The following EYS variants were observed in gnomAD, a reference collection of about 807,000 sequenced individuals.
EYS encodes the protein EGF-like photoreceptor maintenance factor.
EYS carries 250 observed loss-of-function variants against 282.1 expected under a neutral mutation model. The observed-to-expected ratio is 0.89, with a 90% confidence interval of 0.80 to 0.98. The LOEUF (loss-of-function observed/expected upper bound fraction) is 0.98. EYS is among the 50% of genes least tolerant of loss of function. The probability of loss-of-function intolerance (pLI) is 0.00; values close to 1 mark genes in which losing one functional copy is unlikely to be tolerated. For synonymous variants in EYS, 1,355 were observed against 1,282.9 expected (o/e 1.06, Z -1.20); for missense variants, 4,016 against 3,709.0 (o/e 1.08, Z -2.15).
intron 33 of EYS, among the ~76,000 whole-genome samples, chr6:64,012,494 CTT>C (rs1768684619): frequency 6.6e-6 from 1 of 152,180 alleles, no homozygotes; most frequent in South Asian, 2.1e-4. Flanking sequence ...CAAAGACTAA[CTT>C]AAGATCTAAT....
intron 12 of EYS, among the ~76,000 whole-genome samples, chr6:65,175,967 A>G (rs1278002169): frequency 6.6e-6 from 1 of 151,446 alleles, no homozygotes; most frequent in African/African-American, 2.4e-5. Context: ...AAAATTGCAT[A>G]TATTTCATAT....
chr6:63,819,141 C>T (rs1279932609), intron 36 of EYS, among the ~76,000 whole-genome samples: 1 of 152,164 alleles, frequency 6.6e-6, no homozygotes, highest in African/African-American at 2.4e-5. Context: ...ATCCTAAGCA[C>T]TTGGAACAGT....
chr6:64,469,385 A>G (rs1043658259), intron 26 of EYS, among the ~76,000 whole-genome samples: 6 of 152,164 alleles, frequency 3.9e-5, no homozygotes, highest in Admixed American at 2.0e-4. Flanking sequence ...GATCTTAGAT[A>G]TGATTATATA....
intron 22 of EYS, among the ~76,000 whole-genome samples, chr6:64,703,575 G>A (rs1243708266): frequency 1.3e-5 from 2 of 151,022 alleles, no homozygotes; most frequent in African/African-American, 2.4e-5. Flanking sequence ...TGGGACTACA[G>A]GTGTGCACCA....
intron 36 of EYS, among the ~76,000 whole-genome samples, chr6:63,809,505 G>A (rs1270199952): frequency 6.6e-6 from 1 of 152,060 alleles, no homozygotes; most frequent in African/African-American, 2.4e-5. Context: ...CATGTGTAAA[G>A]TCATGCATTT....
At chr6:65,542,813 A>G (rs1056342372) in intron 2 of EYS, among the ~76,000 whole-genome samples, 1 of 152,124 alleles carries the variant, frequency 6.6e-6, no homozygotes, top group African/African-American at 2.4e-5. Context: ...AATGACTTGA[A>G]TTTTTTTAAA....
chr6:65,136,839 A>C (rs113251324), intron 12 of EYS, among the ~76,000 whole-genome samples: 4,286 of 151,898 alleles, frequency 0.028, 156 homozygotes, highest in African/African-American at 0.086. Context: ...ACACCACCAC[A>C]CCTGGCTAAT....
intron 35 of EYS, among the ~76,000 whole-genome samples, chr6:63,866,018 C>T (rs979330814): frequency 6.6e-6 from 1 of 152,088 alleles, no homozygotes; most frequent in Non-Finnish European, 1.5e-5. Flanking sequence ...GCATTCTACA[C>T]ATTGCAGACA....
chr6:65,094,146 G>T (rs189898038), intron 12 of EYS, among the ~76,000 whole-genome samples: 13 of 151,140 alleles, frequency 8.6e-5, no homozygotes, highest in African/African-American at 3.1e-4. Flanking sequence ...ATGATAACTG[G>T]TCAATTCATC....
rs189888514 is a variant in EYS, at chr6:63,808,769, A to G, written c.7229-2397T>C. 4.1e-4 allele frequency among the ~76,000 whole-genome samples: 62 copies of G among 152,316 alleles called. No individual in the cohort carries two copies. In the East Asian group the frequency reaches 0.011, roughly 28 times the overall value. On this transcript the variant is annotated intron_variant, in intron 36 of 42. Coordinates refer to ENST00000503581, the MANE Select transcript of EYS (RefSeq NM_001142800.2). ...GCTCAGCATTTCTTAGTCTAGTGGT[A>G]CCTGCAGCTGTTGAGCATTTGAATT...
chr6:65,050,471 T>G (rs1327427143), intron 13 of EYS, among the ~76,000 whole-genome samples: 2 of 151,640 alleles, frequency 1.3e-5, no homozygotes, highest in African/African-American at 4.8e-5. Flanking sequence ...TCAATTTATT[T>G]GACCACTCCT....
intron 32 of EYS, among the ~76,000 whole-genome samples, chr6:64,076,134 T>C (rs574080733): frequency 1.3e-5 from 2 of 152,126 alleles, no homozygotes; most frequent in Admixed American, 6.6e-5. Context: ...TTTAAGTAAA[T>C]GCGTGAAAAC....
intron 36 of EYS, among the ~76,000 whole-genome samples, chr6:63,836,596 A>T (rs1771813000): frequency 6.6e-6 from 1 of 152,004 alleles, no homozygotes; most frequent in African/African-American, 2.4e-5. Flanking sequence ...AGAAAATATC[A>T]AATATATCTA....
chr6:64,550,890 A>C (rs929863050), intron 26 of EYS, among the ~76,000 whole-genome samples: 13 of 152,136 alleles, frequency 8.5e-5, no homozygotes, highest in South Asian at 2.1e-4. Context: ...AATACCTAGG[A>C]ATCCAACTTA....
intron 26 of EYS, among the ~76,000 whole-genome samples, chr6:64,557,922 A>G (rs940001341): frequency 6.6e-6 from 1 of 152,036 alleles, no homozygotes; most frequent in East Asian, 1.9e-4. Flanking sequence ...ATCCTAAAAC[A>G]TTTACTATCT....
intron 29 of EYS, among the ~76,000 whole-genome samples, chr6:64,326,964 A>C (rs1218975614): frequency 2.0e-5 from 3 of 152,124 alleles, no homozygotes; most frequent in Admixed American, 6.6e-5. Flanking sequence ...GGAGAGGCCC[A>C]CTGACTCGGA....
At chr6:64,291,121 T>C (rs1768692572) in intron 30 of EYS, among the ~76,000 whole-genome samples, 1 of 151,388 alleles carries the variant, frequency 6.6e-6, no homozygotes, top group African/African-American at 2.4e-5. Flanking sequence ...ATAATAAGCA[T>C]TTGAAAGACT....
At chr6:65,101,174 C>T (rs1581910670) in intron 12 of EYS, among the ~76,000 whole-genome samples, 1 of 151,104 alleles carries the variant, frequency 6.6e-6, no homozygotes, top group South Asian at 2.1e-4. Context: ...AACTTAATAG[C>T]TTAATTTCCT....
At chr6:64,308,838 A>G (rs1341649998) in intron 29 of EYS, among the ~76,000 whole-genome samples, 1 of 152,120 alleles carries the variant, frequency 6.6e-6, no homozygotes. Flanking sequence ...TTCACACAGT[A>G]AGTTTACAAA....
Sources: gnomAD v4.1 joint callset for allele counts (sites outside exome capture counted in the v4.1 genomes callset) on GRCh38, gnomAD v4.1.1 for gene constraint, MANE v1.5 for transcripts, NCBI Gene and HGNC (gene_info 2026-07-23, HGNC 2026-07-21) for gene names.